The following CACHD1 variants were observed in gnomAD, a reference collection of about 807,000 sequenced individuals.
The protein encoded by CACHD1 is VWFA and cache domain-containing protein 1.
In CACHD1, 71 loss-of-function variants were observed where a neutral mutation model predicts 138.7. That is an observed-to-expected ratio of 0.51 (90% confidence interval 0.42 to 0.62). The LOEUF (loss-of-function observed/expected upper bound fraction) is 0.62. Ranked by LOEUF, CACHD1 falls within the 20% of genes least tolerant of loss-of-function variation. The pLI is 0.00. For synonymous variants in CACHD1, 578 were observed against 591.5 expected (o/e 0.98, Z 0.33); for missense variants, 1,389 against 1,625.3 (o/e 0.85, Z 2.50).
At chr1:64,582,011 G>A in intron 2 of CACHD1, 145 bp from the exon 3 acceptor site, 1 of 857,068 alleles carries the variant, frequency 1.2e-6, no homozygotes. Context: ...CCCACACAGG[G>A]GAATATGACT....
intron 16 of CACHD1, among the ~76,000 whole-genome samples, chr1:64,666,819 A>C (rs1649648326): frequency 7.0e-6 from 1 of 143,304 alleles, no homozygotes; most frequent in African/African-American, 2.6e-5. Flanking sequence ...GCTGCACTCT[A>C]GCCTGGGTGA....
chr1:64,652,423 G>C, intron 10 of CACHD1, 113 bp downstream of exon 10: 2 of 916,484 alleles, frequency 2.2e-6, no homozygotes, highest in Non-Finnish European at 3.2e-6. Flanking sequence ...AGAGCATTGT[G>C]ACTAAGATTG....
chr1:64,658,621 G>T, intron 12 of CACHD1, 84 bp from the exon 13 acceptor site: 1 of 927,960 alleles, frequency 1.1e-6, no homozygotes. Flanking sequence ...GAAGGTAGAG[G>T]CAGTAGAAAA....
chr1:64,634,977 CAG>C (rs1250910188), intron 7 of CACHD1, among the ~76,000 whole-genome samples: 1 of 107,370 alleles, frequency 9.3e-6, no homozygotes, highest in Non-Finnish European at 1.7e-5. Flanking sequence ...GCCTGGGTGA[CAG>C]AGCAAGACTC....
At position 64,470,818 on chromosome 1, in the gene CACHD1, T is replaced by A. The variant is rs1422533233; in HGVS notation, c.74T>A (p.Leu25Gln). The A allele has an allele frequency of 8.8e-6, 13 of 1,478,128 alleles. No homozygotes were observed. Among genetic ancestry groups the A allele is most frequent in the African/African-American group, 2.8e-5 (2 of 72,656 alleles). 91.6% of individuals were successfully genotyped at this position (1,478,128 alleles called of 1,614,324 possible). A position where few individuals can be genotyped will look rare whatever the true frequency, so the allele number is the denominator to read the frequency against. Residue 25 changes from leucine to glutamine, a missense_variant, in exon 1 of 27, where the codon CTG becomes CAG. Leu to Gln is a moderately radical substitution (Grantham distance 113, BLOSUM62 -2). Coordinates refer to ENST00000651257, the MANE Select transcript of CACHD1 (RefSeq NM_020925.4). This position sits in a 1 kb window ranked among gnomAD's most constrained non-coding sequence, Gnocchi z 5.2. ...CGGCCGCCCCTCTGGCTGCTCTGCC[T>A]GGTCGCGTGCTGGCTCCTGGGCGCC... is the stretch of plus-strand genomic sequence containing the variant. ...ARRPPLWLLC[L>Q]VACWLLGAGA...
intron 1 of CACHD1, among the ~76,000 whole-genome samples, chr1:64,482,102 T>C (rs1454301071): frequency 2.0e-5 from 3 of 152,210 alleles, no homozygotes; most frequent in Non-Finnish European, 2.9e-5. Context: ...TCTGTATTAC[T>C]GGTAGCATAT....
At chr1:64,582,040 T>C (rs1180111039) in intron 2 of CACHD1, 116 bp from the exon 3 acceptor site, 7 of 1,205,274 alleles carry the variant, frequency 5.8e-6, no homozygotes, top group Non-Finnish European at 6.9e-6. Flanking sequence ...TGTTGTTTGT[T>C]TTACTTGAAT....
Position 64,653,809 on chromosome 1 carries a change from C to A in CACHD1, c.1592C>A (p.Pro531His), listed in dbSNP as rs778338835. 1 of 1,612,508 alleles carries A rather than the reference C, an allele frequency of 6.2e-7. No individual in the cohort carries two copies. The highest frequency in any genetic ancestry group is 8.5e-7 in the Non-Finnish European group (1 of 1,178,710). Residue 531 changes from proline (P) to histidine (H), a missense_variant, in exon 11 of 27, where the codon CCC (proline) becomes CAC (histidine). Around this residue, in one of 5 missense-constraint regions of CACHD1, gnomAD observed 1,000 missense variants for 1,114.7 expected, o/e 0.90. Transcript: ENST00000651257. ...ACCAGGCCATATTTATTGTCAGAGC[C>A]CCCACTTCATACTGACATCATACAT... is the stretch of plus-strand genomic sequence containing the variant. ...SLTRPYLLSE[P>H]PLHTDIIHYE...
At chr1:64,568,788 C>T (rs1055212102) in intron 2 of CACHD1, among the ~76,000 whole-genome samples, 1 of 152,002 alleles carries the variant, frequency 6.6e-6, no homozygotes, top group African/African-American at 2.4e-5. Flanking sequence ...ATGCACACAC[C>T]CTGTGTATGC....
chr1:64,607,975 G>A (rs1439250939), intron 4 of CACHD1, among the ~76,000 whole-genome samples: 1 of 152,152 alleles, frequency 6.6e-6, no homozygotes, highest in African/African-American at 2.4e-5. Flanking sequence ...GTGTTTATTT[G>A]TGAAGGAAGA....
intron 3 of CACHD1, among the ~76,000 whole-genome samples, chr1:64,585,156 G>A (rs1647042267): frequency 6.6e-6 from 1 of 152,180 alleles, no homozygotes; most frequent in African/African-American, 2.4e-5. Context: ...GTAAGATGCA[G>A]CCATGCTGTT....
intron 2 of CACHD1, among the ~76,000 whole-genome samples, chr1:64,566,485 C>CCCCG (rs1271845824): frequency 2.1e-5 from 3 of 142,858 alleles, no homozygotes; most frequent in South Asian, 4.8e-4. Context: ...CAATTCCCCC[C>CCCCG]CCCCCACAAG....
chr1:64,559,302 G>T (rs552370670), intron 2 of CACHD1, among the ~76,000 whole-genome samples: 26 of 152,304 alleles, frequency 1.7e-4, no homozygotes, highest in African/African-American at 6.3e-4. Context: ...GTACACTATG[G>T]AATATTATGC....
At chr1:64,653,652 T>C (rs1457319148) in intron 10 of CACHD1, 106 bp from the exon 11 acceptor site, 9 of 1,096,216 alleles carry the variant, frequency 8.2e-6, no homozygotes, top group Non-Finnish European at 1.2e-5. Context: ...GAATGAGAAG[T>C]TGAGTATCGG....
intron 2 of CACHD1, among the ~76,000 whole-genome samples, chr1:64,570,800 G>A (rs2100510098): frequency 6.7e-6 from 1 of 150,170 alleles, no homozygotes; most frequent in African/African-American, 2.4e-5. Flanking sequence ...TTTCTAGCAA[G>A]TCTTAATAGC....
intron 1 of CACHD1, among the ~76,000 whole-genome samples, chr1:64,513,692 A>G (rs552928984): frequency 6.6e-6 from 1 of 152,256 alleles, no homozygotes; most frequent in East Asian, 1.9e-4. Flanking sequence ...GCTGGCAGTC[A>G]GAAAATGGAA....
chr1:64,511,369 T>C (rs996693911), intron 1 of CACHD1, among the ~76,000 whole-genome samples: 10 of 152,188 alleles, frequency 6.6e-5, no homozygotes, highest in African/African-American at 2.4e-4. Flanking sequence ...CCTGGTTCTT[T>C]CCATTATAGC....
At chr1:64,566,224 G>A (rs12410421) in intron 2 of CACHD1, among the ~76,000 whole-genome samples, 90,929 of 152,010 alleles carry the variant, frequency 0.6, 29,947 homozygotes, top group Non-Finnish European at 0.72. Flanking sequence ...CCGTGAGGGC[G>A]TGGATTTTTG....
At position 64,647,976 on chromosome 1, in the gene CACHD1, C is replaced by A. The variant is rs1294238249; in HGVS notation, c.1332C>A (p.Pro444=). ...TGGGCAGGTTCTACACAAACCTTCC[C>A]AACCGGATGATTGATGAAGCCGTCT... ...TTVGRFYTNL[P]NRMIDEAVFS... The change falls in exon 9 of 27, where the codon CCC becomes CCA. Residue 444 remains proline, a synonymous_variant. Transcript: ENST00000651257. 2 of 1,614,012 alleles carry A rather than the reference C, an allele frequency of 1.2e-6. No individual in the cohort carries two copies. The highest frequency in any genetic ancestry group is 1.7e-6 in the Non-Finnish European group (2 of 1,179,980).
Sources: allele counts gnomAD v4.1 joint callset (sites outside exome capture counted in the v4.1 genomes callset), GRCh38; gene constraint gnomAD v4.1.1; regional missense constraint gnomAD v4.1.1; non-coding constraint Gnocchi (gnomAD v3.1); transcripts MANE v1.5; gene names NCBI Gene and HGNC (gene_info 2026-07-23, HGNC 2026-07-21).